The following GALNT18 variants were observed in gnomAD, a reference collection of about 807,000 sequenced individuals.
GALNT18 encodes GalNAc-transferase 18.
In GALNT18, 44 loss-of-function variants were observed where a neutral mutation model predicts 69.5. The observed-to-expected ratio is 0.63, with a 90% confidence interval of 0.50 to 0.81. The LOEUF (loss-of-function observed/expected upper bound fraction) is 0.81. GALNT18 is among the 40% of genes least tolerant of loss of function. The probability of loss-of-function intolerance (pLI) is 0.00; values close to 1 mark genes in which losing one functional copy is unlikely to be tolerated. For synonymous variants in GALNT18, 364 were observed against 318.2 expected (o/e 1.14, Z -1.53); for missense variants, 715 against 810.0 (o/e 0.88, Z 1.42).
Position 11,271,242 on chromosome 11 carries a change from C to T in GALNT18, c.1726G>A (p.Glu576Lys). ...AAGCCGAACTCCAGGTCGCTATTCT[C>T]CTGCAGCTCCAGACAGCGCTTAGAC... Reference protein sequence around the residue: ...RKSKRCLELQENSDLEFGFQL... With the variant: ...RKSKRCLELQKNSDLEFGFQL... The change falls in exon 11 of 11, where the codon GAG becomes AAG. Residue 576 changes from glutamate to lysine, a missense_variant. By Grantham distance (56) the Glu-to-Lys change is moderately conservative. Transcript: ENST00000227756. 4 of 1,614,114 alleles carry T rather than the reference C, an allele frequency of 2.5e-6. No individual in the cohort carries two copies. The highest frequency in any genetic ancestry group is 1.3e-5 in the African/African-American group (1 of 75,026).
intron 10 of GALNT18, among the ~76,000 whole-genome samples, chr11:11,290,700 C>T (rs527611307): frequency 6.6e-6 from 1 of 152,322 alleles, no homozygotes; most frequent in Non-Finnish European, 1.5e-5. Context: ...TGAGAAACCA[C>T]CAGCCCTGCC....
Position 11,404,290 on chromosome 11 carries a change from C to A in GALNT18, c.596-25026G>T, listed in dbSNP as rs566472725. Among the ~76,000 whole-genome samples the A allele has an allele frequency of 1.3e-5, 2 of 152,200 alleles. No homozygotes were observed. Among genetic ancestry groups the A allele is most frequent in the Admixed American group, 1.3e-4 (2 of 15,288 alleles). ...GAGCCCTGGGCTTCAGTGCCAATGCCTCTGCCTCACCATCCATCTGTGAAT... is the reference window on the plus strand; with the variant it reads ...GAGCCCTGGGCTTCAGTGCCAATGCATCTGCCTCACCATCCATCTGTGAAT... On this transcript the variant is annotated intron_variant, in intron 3 of 10. Transcript: ENST00000227756. This position sits in a 1 kb window ranked among gnomAD's most constrained non-coding sequence, Gnocchi z 4.5.
chr11:11,414,804 G>A (rs557031105), intron 3 of GALNT18, among the ~76,000 whole-genome samples: 1 of 152,260 alleles, frequency 6.6e-6, no homozygotes, highest in African/African-American at 2.4e-5. Context: ...ACAAAATACT[G>A]TAAACTGAGC....
At position 11,432,744 on chromosome 11, in the gene GALNT18, T is replaced by C. The variant is rs114449909; in HGVS notation, c.472A>G (p.Ile158Val). 797 of 1,614,140 alleles carry C rather than the reference T, an allele frequency of 4.9e-4. 4 individuals are homozygous for C. The African/African-American group carries it at 9.6e-3, about 19-fold the overall frequency. The change falls in exon 3 of 11, where the codon ATC becomes GTC. Residue 158 changes from isoleucine to valine, a missense_variant. By Grantham distance (29) the Ile-to-Val change is conservative. Coordinates refer to ENST00000227756, the MANE Select transcript of GALNT18 (RefSeq NM_198516.3). This position sits in a 1 kb window ranked among gnomAD's most constrained non-coding sequence, Gnocchi z 5.8. Reference protein sequence around the residue: ...SFPDSLPEVSIVFIFVNEALS... With the variant: ...SFPDSLPEVSVVFIFVNEALS... The stretch of plus-strand genomic sequence containing the variant: ...GCTTCATTGACGAAGATGAACACGA[T>C]GCTCACCTCTGGCAGGCTGTCAGGA...
intron 1 of GALNT18, among the ~76,000 whole-genome samples, chr11:11,488,014 C>A (rs1368920349): frequency 6.6e-6 from 1 of 152,182 alleles, no homozygotes; most frequent in Non-Finnish European, 1.5e-5. Context: ...GGGTATGGGT[C>A]CTAGGTCCAA....
chr11:11,570,807 T>C (rs1308564585), intron 1 of GALNT18, among the ~76,000 whole-genome samples: 1 of 152,232 alleles, frequency 6.6e-6, no homozygotes, highest in Non-Finnish European at 1.5e-5. Context: ...CCCTGGCACA[T>C]TCAGGGCTCA....
At chr11:11,303,760 C>T (rs1564887902) in intron 9 of GALNT18, among the ~76,000 whole-genome samples, 1 of 152,240 alleles carries the variant, frequency 6.6e-6, no homozygotes, top group Admixed American at 6.5e-5. Context: ...CTGCACCCTT[C>T]TGACCTGGGA....
rs985356238 is a variant in GALNT18 at position 11,582,461 on chromosome 11, G to T, written c.235+38898C>A. Among the ~76,000 whole-genome samples, 1 of 152,236 alleles carries T rather than the reference G, an allele frequency of 6.6e-6. No homozygotes were observed. Among genetic ancestry groups the T allele is most frequent in the African/African-American group, 2.4e-5 (1 of 41,462 alleles). ...GTGACAATGAGTGACTGTCTCACTT[G>T]CTTGGACCACTGGAATAGGAGCAGA... On this transcript the variant is annotated intron_variant, in intron 1 of 10. Transcript: ENST00000227756. This position sits in a 1 kb window ranked among gnomAD's most constrained non-coding sequence, Gnocchi z 5.0.
At chr11:11,452,113 G>A (rs1326485411) in intron 1 of GALNT18, among the ~76,000 whole-genome samples, 1 of 152,116 alleles carries the variant, frequency 6.6e-6, no homozygotes, top group Non-Finnish European at 1.5e-5. Flanking sequence ...ACATTTTCCC[G>A]AGCCCTGTCT....
intron 1 of GALNT18, among the ~76,000 whole-genome samples, chr11:11,512,164 G>A (rs547733094): frequency 6.6e-6 from 1 of 152,280 alleles, no homozygotes; most frequent in Non-Finnish European, 1.5e-5. Flanking sequence ...TTTTCCATCT[G>A]AAACCGCCTG....
At chr11:11,615,855 A>C (rs1235123536) in intron 1 of GALNT18, among the ~76,000 whole-genome samples, 1 of 152,256 alleles carries the variant, frequency 6.6e-6, no homozygotes, top group East Asian at 1.9e-4. Context: ...TCCTGGGTAC[A>C]CAGTTTGAAA....
At position 11,356,194 on chromosome 11, in the gene GALNT18, G is replaced by A. The variant is rs1049367046; in HGVS notation, c.1093-15190C>T. 1.3e-5 allele frequency among the ~76,000 whole-genome samples: 2 copies of A among 152,132 alleles called. No homozygotes were observed. The highest frequency in any genetic ancestry group is 2.9e-5 in the Non-Finnish European group (2 of 68,026). On this transcript the variant is annotated intron_variant, in intron 6 of 10. Coordinates refer to ENST00000227756, the MANE Select transcript of GALNT18 (RefSeq NM_198516.3). The surrounding 1 kb of genome is among the most constrained non-coding windows in gnomAD (Gnocchi z 4.4). ...CTGCAACTTCAGATTTATGAATATC[G>A]GATCTTGTCCAAGGAAAACCACAGC...
At chr11:11,580,116 C>A (rs973044866) in intron 1 of GALNT18, among the ~76,000 whole-genome samples, 4 of 152,206 alleles carry the variant, frequency 2.6e-5, no homozygotes, top group Admixed American at 2.6e-4. Flanking sequence ...GTGAAACAGA[C>A]TCTCTTTCAC....
intron 9 of GALNT18, among the ~76,000 whole-genome samples, chr11:11,308,005 G>A (rs1030143168): frequency 2.0e-5 from 3 of 152,186 alleles, no homozygotes; most frequent in Admixed American, 6.5e-5. Context: ...AGGAGATGTT[G>A]TTTCTCTCAG....
chr11:11,297,911 G>A (rs1370084156), intron 9 of GALNT18, among the ~76,000 whole-genome samples: 1 of 152,194 alleles, frequency 6.6e-6, no homozygotes, highest in Non-Finnish European at 1.5e-5. Flanking sequence ...TCACCTGCAA[G>A]GTAAAACAAT....
chr11:11,554,691 A>C (rs572474968), intron 1 of GALNT18, among the ~76,000 whole-genome samples: 14 of 152,240 alleles, frequency 9.2e-5, no homozygotes, highest in Non-Finnish European at 1.6e-4. Flanking sequence ...TGTTCCATGG[A>C]ACATCTTTTG....
At chr11:11,322,878 C>G (rs1313274692) in intron 9 of GALNT18, among the ~76,000 whole-genome samples, 2 of 152,182 alleles carry the variant, frequency 1.3e-5, no homozygotes, top group African/African-American at 4.8e-5. Flanking sequence ...GAACTACTTC[C>G]TGGCTTGCAG....
At position 11,454,279 on chromosome 11, in the gene GALNT18, C is replaced by T. The variant is rs192783292; in HGVS notation, c.236-5343G>A. Among the ~76,000 whole-genome samples the T allele has an allele frequency of 3.2e-4, 48 of 152,232 alleles. No homozygotes were observed. Among genetic ancestry groups the T allele is most frequent in the Admixed American group, 2.3e-3 (35 of 15,282 alleles). The stretch of plus-strand genomic sequence containing the variant: ...TTGTGCACAGTTACGCAGACTGGCA[C>T]GGCATGTTTAAGAGCTTCTCAGGTA... On this transcript the variant is annotated intron_variant, in intron 1 of 10. Transcript: ENST00000227756. The surrounding 1 kb of genome is among the most constrained non-coding windows in gnomAD (Gnocchi z 4.2).
At chr11:11,608,829 GT>G (rs962357717) in intron 1 of GALNT18, among the ~76,000 whole-genome samples, 7 of 152,056 alleles carry the variant, frequency 4.6e-5, no homozygotes, top group African/African-American at 1.7e-4. Context: ...GTAATTTTTG[GT>G]TTTATTTCAT....
Sources: allele counts gnomAD v4.1 joint callset (sites outside exome capture counted in the v4.1 genomes callset), GRCh38; gene constraint gnomAD v4.1.1; non-coding constraint Gnocchi (gnomAD v3.1); transcripts MANE v1.5; gene names NCBI Gene and HGNC (gene_info 2026-07-23, HGNC 2026-07-21).